PPP1R9A: variants seen among roughly 807,000 people sequenced by gnomAD.
PPP1R9A encodes protein phosphatase 1 regulatory subunit 9A.
Under a neutral mutation model 141.9 loss-of-function variants are expected in PPP1R9A, and 59 were observed. That is an observed-to-expected ratio of 0.42 (90% confidence interval 0.34 to 0.52). The LOEUF is 0.52. Ranked by LOEUF, PPP1R9A falls within the 20% of genes least tolerant of loss-of-function variation. PPP1R9A has a pLI of 0.10. For synonymous variants in PPP1R9A, 500 were observed against 569.7 expected, an observed-to-expected ratio of 0.88 and a Z score of 1.74; for missense variants, 1,444 against 1,611.9, an observed-to-expected ratio of 0.90 and a Z score of 1.78.
At chr7:95,275,932 A>G (rs1464653803) in intron 16 of PPP1R9A, among the ~76,000 whole-genome samples, 7 of 152,206 alleles carry the variant, frequency 4.6e-5, no homozygotes, top group Non-Finnish European at 1.0e-4. Context: ...TGAGGACAAC[A>G]ATCTCAGGAA....
intron 2 of PPP1R9A, among the ~76,000 whole-genome samples, chr7:95,106,510 A>G (rs988839088): frequency 6.6e-6 from 1 of 152,144 alleles, no homozygotes; most frequent in African/African-American, 2.4e-5. Context: ...CATCTCTTCA[A>G]TCACTGCATT....
chr7:95,093,693 G>A lies in PPP1R9A; in HGVS notation c.1396-17566G>A, dbSNP rs139971937. 2.4e-4 allele frequency among the ~76,000 whole-genome samples: 36 copies of A among 152,154 alleles called. No homozygotes were observed. The East Asian group carries it at 6.0e-3, about 25-fold the overall frequency. On this transcript the variant is annotated intron_variant, in intron 2 of 19. Coordinates refer to ENST00000433360, the MANE Select transcript of PPP1R9A (RefSeq NM_001166160.2). ...CCATATGATACAAAAATTAATTTTG[G>A]TAATATTAACAAATGTTCCTTTTTT...
intron 3 of PPP1R9A, among the ~76,000 whole-genome samples, chr7:95,113,894 A>G (rs1313928346): frequency 1.3e-5 from 2 of 152,228 alleles, no homozygotes; most frequent in African/African-American, 4.8e-5. Flanking sequence ...CTTAAATGAA[A>G]AAGTATGAAG....
chr7:95,020,233 A>G (rs541135001), intron 2 of PPP1R9A, among the ~76,000 whole-genome samples: 1 of 152,314 alleles, frequency 6.6e-6, no homozygotes, highest in Non-Finnish European at 1.5e-5. Flanking sequence ...ATTGGATTGT[A>G]AAGGGTCTGG....
chr7:95,051,305 G>T (rs1412733345), intron 2 of PPP1R9A, among the ~76,000 whole-genome samples: 9 of 151,980 alleles, frequency 5.9e-5, no homozygotes, highest in Non-Finnish European at 1.2e-4. Context: ...ATTTATATGG[G>T]TGTGTTTCTA....
At chr7:94,914,727 A>C (rs1361809356) in intron 2 of PPP1R9A, among the ~76,000 whole-genome samples, 1 of 152,232 alleles carries the variant, frequency 6.6e-6, no homozygotes. Context: ...AAAACAAGAG[A>C]GGGTGACATG....
At chr7:95,015,001 T>G (rs1468855661) in intron 2 of PPP1R9A, among the ~76,000 whole-genome samples, 2 of 152,038 alleles carry the variant, frequency 1.3e-5, no homozygotes, top group Non-Finnish European at 2.9e-5. Flanking sequence ...GAATTCTTCT[T>G]TATTCTGTGG....
At chr7:95,276,485 C>G (rs1803205879) in intron 16 of PPP1R9A, among the ~76,000 whole-genome samples, 1 of 152,140 alleles carries the variant, frequency 6.6e-6, no homozygotes, top group Non-Finnish European at 1.5e-5. Flanking sequence ...CTCGCCACCA[C>G]TGTATTTTTA....
chr7:94,986,236 C>T (rs1202818820), intron 2 of PPP1R9A, among the ~76,000 whole-genome samples: 3 of 152,050 alleles, frequency 2.0e-5, no homozygotes, highest in Admixed American at 2.0e-4. Flanking sequence ...CTTCCTTTTC[C>T]AATATTCTTG....
At chr7:95,049,580 G>C (rs539469639) in intron 2 of PPP1R9A, among the ~76,000 whole-genome samples, 8 of 152,188 alleles carry the variant, frequency 5.3e-5, no homozygotes, top group Non-Finnish European at 1.2e-4. Flanking sequence ...TTCACTGTTA[G>C]TGTTGTATTT....
At chr7:95,061,364 T>C (rs1170218301) in intron 2 of PPP1R9A, among the ~76,000 whole-genome samples, 1 of 152,248 alleles carries the variant, frequency 6.6e-6, no homozygotes, top group Non-Finnish European at 1.5e-5. Flanking sequence ...TTTGGAATGC[T>C]ATCACTTATA....
At chr7:95,247,323 C>T in intron 8 of PPP1R9A, 150 bp from the exon 9 acceptor site, 5 of 553,166 alleles carry the variant, frequency 9.0e-6, no homozygotes, top group South Asian at 2.7e-5. Context: ...TGTCATTTCA[C>T]ACAGTAGACA....
At chr7:95,071,313 A>G (rs1813785847) in intron 2 of PPP1R9A, among the ~76,000 whole-genome samples, 1 of 152,016 alleles carries the variant, frequency 6.6e-6, no homozygotes, top group African/African-American at 2.4e-5. Context: ...AGTATTTGTA[A>G]TATAGTGAGA....
chr7:94,926,447 A>G (rs1348653151), intron 2 of PPP1R9A, among the ~76,000 whole-genome samples: 1 of 152,220 alleles, frequency 6.6e-6, no homozygotes, highest in Non-Finnish European at 1.5e-5. Context: ...TAGTTGCAAG[A>G]AAATCTAAAA....
rs1422131918 is a variant in PPP1R9A at position 95,251,779 on chromosome 7, A to C, written c.2414A>C (p.Lys805Thr). 1.9e-6 allele frequency: 3 copies of C among 1,613,546 alleles called. No individual in the cohort carries two copies. The highest frequency in any genetic ancestry group is 2.5e-6 in the Non-Finnish European group (3 of 1,179,790). Residue 805 changes from lysine (K) to threonine (T), a missense_variant, in exon 11 of 20, where the codon AAA (lysine) becomes ACA (threonine). Physicochemically the swap from Lys to Thr is moderately conservative, Grantham distance 78. Coordinates refer to ENST00000433360, the MANE Select transcript of PPP1R9A (RefSeq NM_001166160.2). ...TTCTTAAGAGAGCTTGATTTCATCA[A>C]AAGACAGGAAGCAGAAAGAAAGAAA... Reference protein sequence around the residue: ...DFQQKELDFIKRQEAERKKIE... With the variant: ...DFQQKELDFITRQEAERKKIE...
intron 4 of PPP1R9A, among the ~76,000 whole-genome samples, chr7:95,127,351 T>C (rs1823735647): frequency 1.3e-5 from 2 of 152,298 alleles, no homozygotes; most frequent in South Asian, 4.1e-4. Context: ...GGAAGAACTA[T>C]GTAGAATCAG....
intron 4 of PPP1R9A, among the ~76,000 whole-genome samples, chr7:95,137,415 C>CAAAAAAAAAAAAAAAAAAAAAAAA (rs33928009): frequency 1.1e-5 from 1 of 91,522 alleles, no homozygotes; most frequent in African/African-American, 4.3e-5. Context: ...GACATGAACT[C>CAAAAAAAAAAAAAAAAAAAAAAAA]AAAAAAAAAA....
chr7:95,040,501 A>T (rs1370218967), intron 2 of PPP1R9A, among the ~76,000 whole-genome samples: 1 of 151,910 alleles, frequency 6.6e-6, no homozygotes, highest in Non-Finnish European at 1.5e-5. Flanking sequence ...ATAATACAGG[A>T]TATTATTTTA....
intron 8 of PPP1R9A, among the ~76,000 whole-genome samples, chr7:95,235,629 T>G (rs1796577761): frequency 6.6e-6 from 1 of 152,140 alleles, no homozygotes; most frequent in Non-Finnish European, 1.5e-5. Flanking sequence ...CTTAAAGAAC[T>G]AAAAGTAGAT....
Sources: allele counts gnomAD v4.1 joint callset (sites outside exome capture counted in the v4.1 genomes callset), GRCh38; gene constraint gnomAD v4.1.1; transcripts MANE v1.5; gene names NCBI Gene and HGNC (gene_info 2026-07-23, HGNC 2026-07-21).